Variants in HK1 observed in about 807,000 individuals in gnomAD.
The protein encoded by HK1 is hexokinase 1, also known as hexokinase-1.
A neutral mutation model predicts 91.6 loss-of-function variants in HK1; 28 were observed. The observed-to-expected ratio is 0.31, with a 90% CI of 0.23 to 0.42. The LOEUF is 0.42. HK1 is among the 10% of genes least tolerant of loss of function. HK1 has a pLI of 1.00. For synonymous variants in HK1, 430 were observed against 468.1 expected, an observed-to-expected ratio of 0.92 and a Z score of 1.05; for missense variants, 770 against 1,219.8, an observed-to-expected ratio of 0.63 and a Z score of 5.49.
intron 2 of HK1, among the ~76,000 whole-genome samples, chr10:69,346,879 G>T (rs79495318): frequency 0.13 from 19,284 of 152,070 alleles, 1,617 homozygotes; most frequent in Middle Eastern, 0.21. Flanking sequence ...AAGGGAAAAC[G>T]TCCCCTTTGC....
chr10:69,314,351 C>T (rs1257918859), upstream of HK1, among the ~76,000 whole-genome samples: 1 of 152,160 alleles, frequency 6.6e-6, no homozygotes, highest in Non-Finnish European at 1.5e-5. Context: ...GCTTGGACAT[C>T]AGCATTTGTA....
rs575384879 is a variant in HK1, at chr10:69,305,920, A to C, written c.27+5059A>C. 2.5e-3 allele frequency among the ~76,000 whole-genome samples: 386 copies of C among 152,180 alleles called. 2 individuals are homozygous for C. Among genetic ancestry groups the C allele is most frequent in the African/African-American group, 9.0e-3 (375 of 41,532 alleles). On this transcript the variant is annotated intron_variant, in intron 5 of 21. Coordinates refer to the HK1 transcript ENST00000360289. The stretch of plus-strand genomic sequence containing the variant: ...TAAGAAAAAGAAAAAAAGAAGAAGA[A>C]AATGACTGAGGCGAGTCTCAATCAA...
chr10:69,328,231 C>T (rs1289617188), intron 1 of HK1, among the ~76,000 whole-genome samples: 1 of 152,168 alleles, frequency 6.6e-6, no homozygotes, highest in East Asian at 1.9e-4. Context: ...GTCGGCGGCT[C>T]AGCCCTTTGC....
At chr10:69,293,384 A>G (rs1194917560) in intron 3 of HK1, among the ~76,000 whole-genome samples, 1 of 152,194 alleles carries the variant, frequency 6.6e-6, no homozygotes, top group Non-Finnish European at 1.5e-5. Flanking sequence ...AAGCATCTAA[A>G]CAGGCCAGCT....
At chr10:69,398,287 A>G (rs1001386694) in intron 16 of HK1, among the ~76,000 whole-genome samples, 1 of 152,264 alleles carries the variant, frequency 6.6e-6, no homozygotes, top group African/African-American at 2.4e-5. Flanking sequence ...AGAAAATCAC[A>G]TATCAAGGAT....
At chr10:69,279,792 G>A (rs865980795) in intron 1 of HK1, among the ~76,000 whole-genome samples, 5 of 152,270 alleles carry the variant, frequency 3.3e-5, no homozygotes, top group Middle Eastern at 3.4e-3. Flanking sequence ...TCAGGACCTC[G>A]CAAAATTTAC....
At chr10:69,280,180 C>T (rs922013145) in intron 1 of HK1, among the ~76,000 whole-genome samples, 1 of 151,954 alleles carries the variant, frequency 6.6e-6, no homozygotes, top group Admixed American at 6.6e-5. Flanking sequence ...GGAGAGATCT[C>T]GGCTCACTGT....
chr10:69,303,073 G>A (rs79184597), intron 5 of HK1, among the ~76,000 whole-genome samples: 6,024 of 152,108 alleles, frequency 0.04, 188 homozygotes, highest in East Asian at 0.087. Flanking sequence ...TTTGTTCAAC[G>A]TGTGTATCAG....
intron 1 of HK1, among the ~76,000 whole-genome samples, chr10:69,280,409 G>T (rs987997178): frequency 6.6e-6 from 1 of 152,180 alleles, no homozygotes; most frequent in African/African-American, 2.4e-5. Flanking sequence ...GAGCCACCAC[G>T]CCCAGCCCGG....
Position 69,369,088 on chromosome 10 carries a change from T to C in HK1, c.592-149T>C, listed in dbSNP as rs186314055. On this transcript the variant is annotated intron_variant, in intron 5 of 17. Transcript: ENST00000359426. The surrounding 1 kb of genome is among the most constrained non-coding windows in gnomAD (Gnocchi z 4.4). The stretch of plus-strand genomic sequence containing the variant: ...ATTTAATCACCATGCTCTGATCTAG[T>C]TAATTTGAGTACCAGCTGTAATGAA... 1.7e-5 allele frequency: 12 copies of C among 710,486 alleles called. No homozygotes were observed. The highest frequency in any genetic ancestry group is 1.4e-4 in the Admixed American group (7 of 49,926). 44.0% of individuals were successfully genotyped at this position (710,486 alleles called of 1,614,324 possible).
chr10:69,286,502 G>A (rs1490460956), intron 2 of HK1, among the ~76,000 whole-genome samples: 1 of 151,890 alleles, frequency 6.6e-6, no homozygotes, highest in Non-Finnish European at 1.5e-5. Flanking sequence ...TCAAAAACAA[G>A]CAAACAAATA....
At position 69,380,488 on chromosome 10, in the gene HK1, C is replaced by T. The variant is rs1203872749; in HGVS notation, c.1265+393C>T. ...AGATGGAGATTTCTGTAGCTGTCGG[C>T]TCCTCTGGGTGGAATGTGTCTGTCT... On this transcript the variant is annotated intron_variant, in intron 9 of 17. Coordinates refer to ENST00000359426, the MANE Select transcript of HK1 (RefSeq NM_000188.3). The surrounding 1 kb of genome is among the most constrained non-coding windows in gnomAD (Gnocchi z 4.0). 1.3e-5 allele frequency among the ~76,000 whole-genome samples: 2 copies of T among 152,220 alleles called. No individual in the cohort carries two copies. Among genetic ancestry groups the T allele is most frequent in the African/African-American group, 4.8e-5 (2 of 41,458 alleles).
At chr10:69,294,840 C>A (rs890184580) in intron 3 of HK1, among the ~76,000 whole-genome samples, 3 of 151,810 alleles carry the variant, frequency 2.0e-5, no homozygotes, top group Admixed American at 6.6e-5. Context: ...CCAGCCTGGG[C>A]AACAGAGCGA....
chr10:69,400,073 G>A (rs1221222370), intron 17 of HK1, among the ~76,000 whole-genome samples: 2 of 152,180 alleles, frequency 1.3e-5, no homozygotes, highest in Non-Finnish European at 2.9e-5. Flanking sequence ...CCCTGGCACC[G>A]TCACTTAGAA....
At chr10:69,364,651 T>A (rs1225079114) in intron 3 of HK1, 132 bp from the exon 4 acceptor site, 1 of 1,143,928 alleles carries the variant, frequency 8.7e-7, no homozygotes, top group African/African-American at 1.5e-5. Context: ...GGCCACCAGG[T>A]CCCAGGAGTA....
intron 4 of HK1, among the ~76,000 whole-genome samples, chr10:69,297,953 G>A (rs993941098): frequency 2.0e-5 from 3 of 150,974 alleles, no homozygotes; most frequent in African/African-American, 7.4e-5. Flanking sequence ...GCTCACGCCT[G>A]TAATCCCAGC....
At chr10:69,385,981 A>G (rs1173071475) in intron 12 of HK1, among the ~76,000 whole-genome samples, 1 of 152,180 alleles carries the variant, frequency 6.6e-6, no homozygotes, top group Admixed American at 6.5e-5. Flanking sequence ...ACTCTTCTGT[A>G]CAGCTGGTTA....
intron 15 of HK1, among the ~76,000 whole-genome samples, chr10:69,394,048 AC>A (rs1840031165): frequency 1.3e-5 from 2 of 152,176 alleles, no homozygotes; most frequent in African/African-American, 4.8e-5. Flanking sequence ...GTGGTGGCCC[AC>A]CCCTCTGTGA....
At chr10:69,327,535 A>G (rs1179730247) in intron 1 of HK1, among the ~76,000 whole-genome samples, 3 of 152,142 alleles carry the variant, frequency 2.0e-5, no homozygotes, top group Admixed American at 6.5e-5. Flanking sequence ...AACTTTCTCT[A>G]GAACAACTCA....
Sources: allele counts gnomAD v4.1 joint callset (sites outside exome capture counted in the v4.1 genomes callset), GRCh38; gene constraint gnomAD v4.1.1; non-coding constraint Gnocchi (gnomAD v3.1); transcripts MANE v1.5; gene names NCBI Gene and HGNC (gene_info 2026-07-23, HGNC 2026-07-21).